The following ARHGAP6 variants were observed in gnomAD, a reference collection of about 807,000 sequenced individuals.
The protein encoded by ARHGAP6 is Rho GTPase activating protein 6, also known as rho GTPase-activating protein 6.
In ARHGAP6, 16 loss-of-function variants were observed where a neutral mutation model predicts 55.7. The observed-to-expected ratio is 0.29, with a 90% confidence interval of 0.19 to 0.44. The LOEUF (loss-of-function observed/expected upper bound fraction) is 0.44, where lower values mean the gene tolerates loss of function less well. Ranked by LOEUF, ARHGAP6 falls within the 20% of genes least tolerant of loss-of-function variation. The pLI is 1.00. For missense variants in ARHGAP6, 698 were observed against 808.9 expected (o/e 0.86, Z 1.66); for synonymous variants, 382 against 360.9 (o/e 1.06, Z -0.66).
At chrX:11,180,927 A>T (rs1281101096) in intron 6 of ARHGAP6, among the ~76,000 whole-genome samples, 1 of 112,485 alleles carries the variant, frequency 8.9e-6, no homozygotes, top group Non-Finnish European at 1.9e-5. Flanking sequence ...ACATGCAAAG[A>T]GTTTGGCCTA....
intron 1 of ARHGAP6, among the ~76,000 whole-genome samples, chrX:11,366,318 A>T (rs1006166348): frequency 8.9e-6 from 1 of 112,745 alleles, no homozygotes; most frequent in East Asian, 2.8e-4. Context: ...AGACAAAGTT[A>T]GTAGATCTGA....
At chrX:11,524,146 G>T (rs2050965250) in intron 1 of ARHGAP6, among the ~76,000 whole-genome samples, 1 of 111,788 alleles carries the variant, frequency 8.9e-6, no homozygotes, top group South Asian at 3.7e-4. Flanking sequence ...GCACATTAGG[G>T]CAGAGATTGC....
chrX:11,205,088 T>A (rs1163573797), intron 2 of ARHGAP6, among the ~76,000 whole-genome samples: 2 of 111,524 alleles, frequency 1.8e-5, no homozygotes, highest in African/African-American at 3.3e-5. Flanking sequence ...CAGGCGAATA[T>A]TTTTTCTCTT....
intron 1 of ARHGAP6, among the ~76,000 whole-genome samples, chrX:11,592,962 G>T (rs181009659): frequency 1.8e-5 from 2 of 111,540 alleles, no homozygotes; most frequent in Non-Finnish European, 3.8e-5. Context: ...GACCCCAGAA[G>T]TAATGTCTCT....
chrX:11,605,676 G>A (rs1286964500), intron 1 of ARHGAP6, among the ~76,000 whole-genome samples: 1 of 111,575 alleles, frequency 9.0e-6, no homozygotes, highest in Admixed American at 9.5e-5. Flanking sequence ...GATGTCCCAG[G>A]AGGGCTGAGA....
intron 1 of ARHGAP6, among the ~76,000 whole-genome samples, chrX:11,450,973 A>G (rs1373522325): frequency 1.8e-5 from 2 of 111,548 alleles, no homozygotes; most frequent in African/African-American, 6.5e-5. Context: ...CTGGAGAATT[A>G]CCAAGAGGGC....
At chrX:11,396,542 G>T (rs1374387367) in intron 1 of ARHGAP6, among the ~76,000 whole-genome samples, 1 of 111,566 alleles carries the variant, frequency 9.0e-6, no homozygotes, top group African/African-American at 3.3e-5. Flanking sequence ...TTTACGGAGT[G>T]CTTATTACAT....
At chrX:11,181,430 G>C (rs1228543351) in intron 6 of ARHGAP6, among the ~76,000 whole-genome samples, 1 of 111,687 alleles carries the variant, frequency 9.0e-6, no homozygotes, top group Non-Finnish European at 1.9e-5. Context: ...ACCAACAAAT[G>C]AACTCTTTTC....
intron 1 of ARHGAP6, among the ~76,000 whole-genome samples, chrX:11,660,624 C>T (rs1353804547): frequency 1.1e-5 from 1 of 93,362 alleles, no homozygotes; most frequent in Non-Finnish European, 2.1e-5. Flanking sequence ...GCTTTTATTA[C>T]ATGAAAAGCC....
At chrX:11,263,928 T>C (rs953365912) in intron 1 of ARHGAP6, among the ~76,000 whole-genome samples, 12 of 111,955 alleles carry the variant, frequency 1.1e-4, no homozygotes, top group African/African-American at 3.6e-4. Flanking sequence ...ACTGATTGTT[T>C]TCATAAATCA....
intron 1 of ARHGAP6, among the ~76,000 whole-genome samples, chrX:11,381,478 C>T (rs900308062): frequency 8.9e-6 from 1 of 111,908 alleles, no homozygotes; most frequent in Non-Finnish European, 1.9e-5. Context: ...TTCATCCCAA[C>T]GACCATAGAA....
At chrX:11,310,160 C>A (rs867476635) in intron 1 of ARHGAP6, among the ~76,000 whole-genome samples, 35 of 48,056 alleles carry the variant, frequency 7.3e-4, no homozygotes, top group African/African-American at 1.0e-3. Context: ...GACTCTATCT[C>A]AAAAAAAAAA....
intron 1 of ARHGAP6, among the ~76,000 whole-genome samples, chrX:11,562,361 G>T (rs1268615026): frequency 1.8e-5 from 2 of 111,770 alleles, no homozygotes; most frequent in South Asian, 7.6e-4. Context: ...GCTTGTAATG[G>T]AAATGGCATG....
chrX:11,386,772 G>GA (rs760333835), intron 1 of ARHGAP6, among the ~76,000 whole-genome samples: 3 of 112,002 alleles, frequency 2.7e-5, no homozygotes, highest in Non-Finnish European at 5.6e-5. Context: ...AGAGCACAAA[G>GA]AAAAGAAAGA....
chrX:11,200,683 C>T (rs2046607095), intron 2 of ARHGAP6, among the ~76,000 whole-genome samples: 1 of 112,280 alleles, frequency 8.9e-6, no homozygotes, highest in Non-Finnish European at 1.9e-5. Context: ...CATTTGTCTC[C>T]TTCCAAGTGA....
At chrX:11,482,573 C>T (rs997563571) in intron 1 of ARHGAP6, among the ~76,000 whole-genome samples, 1 of 111,387 alleles carries the variant, frequency 9.0e-6, no homozygotes, top group East Asian at 2.8e-4. Context: ...CAAGCAATGC[C>T]CACCCACACC....
At chrX:11,358,457 CTTTCTTTCTTTCTTTCTTTCTTTCTTTCT>C (rs2048963013) in intron 1 of ARHGAP6, among the ~76,000 whole-genome samples, 1 of 87,512 alleles carries the variant, frequency 1.1e-5, no homozygotes, top group Non-Finnish European at 2.2e-5. Flanking sequence ...TTCTTTCTTT[CTTTCTTTCTTTCTTTCTTTCTTTCTTTCT>C]TTTTTTTTTT....
At chrX:11,274,887 G>T (rs1369284794) in intron 1 of ARHGAP6, among the ~76,000 whole-genome samples, 1 of 111,720 alleles carries the variant, frequency 9.0e-6, no homozygotes, top group Non-Finnish European at 1.9e-5. Context: ...TGTATGAGCA[G>T]ATGGGTCCAC....
intron 1 of ARHGAP6, among the ~76,000 whole-genome samples, chrX:11,654,429 T>C (rs1601732646): frequency 8.9e-6 from 1 of 111,988 alleles, no homozygotes; most frequent in African/African-American, 3.2e-5. Context: ...TCTCTAAAGA[T>C]GAGGAGAGCT....
Sources: gnomAD v4.1 joint callset for allele counts (sites outside exome capture counted in the v4.1 genomes callset) on GRCh38, gnomAD v4.1.1 for gene constraint, MANE v1.5 for transcripts, NCBI Gene and HGNC (gene_info 2026-07-23, HGNC 2026-07-21) for gene names.